Variants in CRACR2A observed in about 807,000 individuals in gnomAD.
The protein encoded by CRACR2A is EF-hand calcium-binding domain-containing protein 4B.
Under a neutral mutation model 90.5 loss-of-function variants are expected in CRACR2A, and 79 were observed. The observed-to-expected ratio is 0.87, with a 90% CI of 0.73 to 1.05. CRACR2A has a LOEUF of 1.05. Among genes scored for constraint, CRACR2A ranks in the 50% least tolerant of loss-of-function variants. The pLI, the probability that CRACR2A is intolerant of heterozygous loss-of-function variation, is 0.00. For synonymous variants in CRACR2A, 338 were observed against 356.7 expected (o/e 0.95, Z 0.59); for missense variants, 823 against 897.2 (o/e 0.92, Z 1.06).
chr12:3,638,508 T>C, intron 13 of CRACR2A, 54 bp from the exon 14 acceptor site: 2 of 1,470,366 alleles, frequency 1.4e-6, no homozygotes, highest in Non-Finnish European at 9.0e-7. Flanking sequence ...AATATTTCAA[T>C]ACGGGCTGCA....
chr12:3,682,747 A>G (rs987878570), intron 4 of CRACR2A, among the ~76,000 whole-genome samples: 1 of 151,910 alleles, frequency 6.6e-6, no homozygotes, highest in Non-Finnish European at 1.5e-5. Flanking sequence ...TTATTCTGGT[A>G]TGGTCCCCTG....
At chr12:3,619,131 A>G (rs1177297505) in intron 18 of CRACR2A, 140 bp downstream of exon 18, 1 of 644,880 alleles carries the variant, frequency 1.6e-6, no homozygotes, top group Non-Finnish European at 2.7e-6. Flanking sequence ...CATTCCCAGG[A>G]TACCAAGACA....
rs146923090 is a variant in CRACR2A at position 3,748,991 on chromosome 12, G to A, written c.-387+4024C>T. Among the ~76,000 whole-genome samples, 1,029 of 152,294 alleles carry A rather than the reference G, an allele frequency of 6.8e-3. 15 individuals carry two copies. Among genetic ancestry groups the A allele is most frequent in the African/African-American group, 0.023 (976 of 41,554 alleles). ...GAGTAGAGAGCCAATGGAGCATAAC[G>A]CTTACAGTGCAGGCTCTGAAATAGC... On this transcript the variant is annotated intron_variant, in intron 1 of 19. Coordinates refer to ENST00000440314, the MANE Select transcript of CRACR2A (RefSeq NM_001144958.2).
intron 2 of CRACR2A, among the ~76,000 whole-genome samples, chr12:3,717,268 A>G (rs993160688): frequency 1.3e-5 from 2 of 151,976 alleles, no homozygotes; most frequent in African/African-American, 4.8e-5. Flanking sequence ...GTGAGGCTGT[A>G]CCCCCTCCAT....
chr12:3,749,471 C>T (rs1946673116), intron 1 of CRACR2A, among the ~76,000 whole-genome samples: 1 of 152,170 alleles, frequency 6.6e-6, no homozygotes, highest in South Asian at 2.1e-4. Flanking sequence ...GAGCTGTCTG[C>T]TCCACAAACT....
chr12:3,728,326 C>T (rs924926502), intron 2 of CRACR2A: 3 of 152,304 alleles, frequency 2.0e-5, no homozygotes, highest in African/African-American at 7.2e-5. Context: ...ACCCCTCTGC[C>T]CGTAGGCTGC....
intron 1 of CRACR2A, among the ~76,000 whole-genome samples, chr12:3,750,022 C>T (rs544066333): frequency 1.3e-5 from 2 of 151,704 alleles, no homozygotes; most frequent in South Asian, 2.1e-4. Flanking sequence ...CTGCAAACAC[C>T]GCCTCCCGGG....
At chr12:3,623,565 C>A (rs913742197) in intron 17 of CRACR2A, among the ~76,000 whole-genome samples, 1 of 152,170 alleles carries the variant, frequency 6.6e-6, no homozygotes, top group Admixed American at 6.5e-5. Context: ...CATGGCCACA[C>A]GTGGGGCCTT....
chr12:3,621,834 G>T (rs905528731), intron 17 of CRACR2A, among the ~76,000 whole-genome samples: 8 of 151,736 alleles, frequency 5.3e-5, no homozygotes, highest in Middle Eastern at 3.2e-3. Context: ...TCCCTGCAGG[G>T]ACCCTGGCCT....
At chr12:3,710,521 G>T (rs1370477439) in intron 3 of CRACR2A, among the ~76,000 whole-genome samples, 1 of 152,076 alleles carries the variant, frequency 6.6e-6, no homozygotes, top group South Asian at 2.1e-4. Context: ...TTGGCCGGGC[G>T]CAGTGGCTCA....
chr12:3,743,537 T>TG (rs1013862523), intron 1 of CRACR2A, among the ~76,000 whole-genome samples: 6 of 152,122 alleles, frequency 3.9e-5, no homozygotes, highest in African/African-American at 1.4e-4. Context: ...ATCAACAGCC[T>TG]GGGGGAGGTG....
rs115536556 is a variant in CRACR2A, at chr12:3,625,440, G to A, written c.1932+1996C>T. Among the ~76,000 whole-genome samples the A allele has an allele frequency of 5.5e-3, 827 of 151,622 alleles. 8 individuals carry two copies. Among genetic ancestry groups the A allele is most frequent in the African/African-American group, 0.019 (797 of 41,260 alleles). On this transcript the variant is annotated intron_variant, in intron 17 of 19. Coordinates refer to ENST00000440314, the MANE Select transcript of CRACR2A (RefSeq NM_001144958.2). ...ACACCCCCTAATGACAGCAGAGAGC[G>A]TAGTTCCCCAAATTTGTCACCATCC... is the stretch of plus-strand genomic sequence containing the variant.
rs778564588 is a variant in CRACR2A at position 3,638,394 on chromosome 12, A to C, written c.1332T>G (p.Ser444Arg). 1.8e-5 allele frequency: 28 copies of C among 1,551,252 alleles called. No individual in the cohort carries two copies. Among genetic ancestry groups the C allele is most frequent in the Non-Finnish European group, 1.4e-5 (16 of 1,146,812 alleles). ...GIPRRSSLGL[S>R]GYPLTEEEPG... is the part of the protein sequence containing the mutation. ...GCTCCTCTTCTGTTAGGGGATATCC[A>C]CTCAGGCCCAGGGAGCTTCTCCTTG... Residue 444 changes from serine (S) to arginine (R), a missense_variant, in exon 14 of 20, where the codon AGT (serine) becomes AGG (arginine). By Grantham distance (110) the Ser-to-Arg change is moderately radical (BLOSUM62 -1). Transcript: ENST00000440314.
At chr12:3,734,739 G>A (rs1190616013) in intron 1 of CRACR2A, among the ~76,000 whole-genome samples, 1 of 151,988 alleles carries the variant, frequency 6.6e-6, no homozygotes, top group East Asian at 1.9e-4. Context: ...GAACCTTGAG[G>A]GCATTATGCT....
chr12:3,673,311 G>C (rs530637873), intron 7 of CRACR2A, 135 bp downstream of exon 7: 1 of 1,041,476 alleles, frequency 9.6e-7, no homozygotes, highest in African/African-American at 1.6e-5. Flanking sequence ...CAGACACAGG[G>C]CCTGGTCCCC....
intron 4 of CRACR2A, among the ~76,000 whole-genome samples, chr12:3,680,552 A>G (rs1565487390): frequency 2.0e-5 from 3 of 152,346 alleles, no homozygotes; most frequent in East Asian, 3.9e-4. Flanking sequence ...TTGGGTGCCT[A>G]CGAATGTACT....
chr12:3,737,555 T>C (rs902855851), intron 1 of CRACR2A, among the ~76,000 whole-genome samples: 1 of 152,100 alleles, frequency 6.6e-6, no homozygotes, highest in South Asian at 2.1e-4. Context: ...TGGAGGCTGG[T>C]TGGGGGAATC....
intron 2 of CRACR2A, among the ~76,000 whole-genome samples, chr12:3,724,324 C>T (rs1001756636): frequency 1.3e-5 from 2 of 152,236 alleles, no homozygotes; most frequent in Non-Finnish European, 2.9e-5. Context: ...CTCTAGGCTC[C>T]TGCTGAGCCA....
chr12:3,669,208 G>T (rs958329896), intron 7 of CRACR2A, among the ~76,000 whole-genome samples: 5 of 152,184 alleles, frequency 3.3e-5, no homozygotes, highest in Non-Finnish European at 4.4e-5. Context: ...CCCCTGGGGT[G>T]GGACCTCTGG....
Sources: gnomAD v4.1 joint callset for allele counts (sites outside exome capture counted in the v4.1 genomes callset) on GRCh38, gnomAD v4.1.1 for gene constraint, MANE v1.5 for transcripts, NCBI Gene and HGNC (gene_info 2026-07-23, HGNC 2026-07-21) for gene names.